EFCAB8: variants seen among roughly 807,000 people sequenced by gnomAD.
EFCAB8 encodes the protein EF-hand calcium-binding domain-containing protein 8.
A neutral mutation model predicts 116.3 loss-of-function variants in EFCAB8; 100 were observed. The observed-to-expected ratio is 0.86, with a 90% CI of 0.73 to 1.02. The LOEUF is 1.02. Ranked by LOEUF, EFCAB8 falls within the 50% of genes least tolerant of loss-of-function variation. The pLI is 0.00. For missense variants in EFCAB8, 1,320 were observed against 1,416.9 expected (o/e 0.93, Z 1.10); for synonymous variants, 558 against 567.9 (o/e 0.98, Z 0.25).
At chr20:32,866,204 AATG>A (rs1324900291) in intron 2 of EFCAB8, among the ~76,000 whole-genome samples, 1 of 152,094 alleles carries the variant, frequency 6.6e-6, no homozygotes. Context: ...TGGGCTAATG[AATG>A]AAAGGTCACA....
At chr20:32,926,634 A>G (rs1218908574) in intron 20 of EFCAB8, among the ~76,000 whole-genome samples, 2 of 146,582 alleles carry the variant, frequency 1.4e-5, no homozygotes, top group African/African-American at 2.5e-5. Flanking sequence ...AGCATTAGGT[A>G]TATCTCCCAA....
intron 1 of EFCAB8, among the ~76,000 whole-genome samples, chr20:32,860,432 C>T (rs1984045983): frequency 6.7e-6 from 1 of 149,588 alleles, no homozygotes; most frequent in Non-Finnish European, 1.5e-5. Flanking sequence ...TTGTGCCCTG[C>T]ATGTATCGGA....
Position 32,894,948 on chromosome 20 carries a change from T to TA in EFCAB8, c.884-1505dup, listed in dbSNP as rs112227952. Reference sequence around the variant, plus strand: ...CAACTTTCCACCCCTCCCTGGGACTTACTTTGCAAGCTTCCTCCTGCCCTT... The same window carrying TA: ...CAACTTTCCACCCCTCCCTGGGACTTAACTTTGCAAGCTTCCTCCTGCCCTT... On this transcript the variant is annotated intron_variant, in intron 9 of 26. Transcript: ENST00000400522. Among the ~76,000 whole-genome samples, 77 of 152,372 alleles carry TA rather than the reference T, an allele frequency of 5.1e-4. 1 individual carries two copies. Among genetic ancestry groups the TA allele is most frequent in the African/African-American group, 1.8e-3 (74 of 41,582 alleles).
At chr20:32,860,153 C>A (rs369915968) in intron 1 of EFCAB8, among the ~76,000 whole-genome samples, 7 of 152,114 alleles carry the variant, frequency 4.6e-5, no homozygotes, top group Non-Finnish European at 1.0e-4. Context: ...ACTAAAAATA[C>A]GAAAGTTAGC....
intron 22 of EFCAB8, 138 bp downstream of exon 22, chr20:32,931,474 C>T (rs899181033): frequency 1.1e-5 from 13 of 1,158,766 alleles, no homozygotes; most frequent in South Asian, 3.8e-5. Flanking sequence ...AATTAGTATT[C>T]GTGGCCAGTC....
chr20:32,906,829 C>T lies in EFCAB8; in HGVS notation c.1157-14C>T, dbSNP rs1174310728. On this transcript the variant is annotated splice_polypyrimidine_tract_variant and intron_variant, in intron 12 of 26. Coordinates refer to ENST00000400522, the MANE Select transcript of EFCAB8 (RefSeq NM_001143967.2). ...TGGAGGCCCCTGGGACTGACACCCA[C>T]GTCTTGACCACAGTGACTGGTGGCT... 5 of 1,319,396 alleles carry T rather than the reference C, an allele frequency of 3.8e-6. No homozygotes were observed. Among genetic ancestry groups the T allele is most frequent in the East Asian group, 2.5e-5 (1 of 39,808 alleles). The allele number at this position is 1,319,396 out of a possible 1,614,324, so 81.7% of individuals were successfully genotyped here.
chr20:32,951,670 A>G (rs1988804644), intron 23 of EFCAB8, among the ~76,000 whole-genome samples: 1 of 152,218 alleles, frequency 6.6e-6, no homozygotes, highest in Admixed American at 6.5e-5. Context: ...CTTCAATAAA[A>G]CTGTTAAAAA....
intron 22 of EFCAB8, among the ~76,000 whole-genome samples, chr20:32,942,117 G>A (rs1988427803): frequency 6.6e-6 from 1 of 152,054 alleles, no homozygotes; most frequent in Non-Finnish European, 1.5e-5. Context: ...GAATTTATTA[G>A]TGGTATTCAT....
intron 1 of EFCAB8, among the ~76,000 whole-genome samples, chr20:32,862,772 A>T (rs1984179561): frequency 6.6e-6 from 1 of 151,804 alleles, no homozygotes; most frequent in African/African-American, 2.4e-5. Flanking sequence ...GGATTACAGG[A>T]ACCTGCCACC....
intron 20 of EFCAB8, among the ~76,000 whole-genome samples, chr20:32,921,526 C>T (rs1987454325): frequency 6.6e-6 from 1 of 151,748 alleles, no homozygotes; most frequent in South Asian, 2.1e-4. Context: ...TCTTCCTTCT[C>T]TTTAAAAAAA....
intron 7 of EFCAB8, 143 bp from the exon 8 acceptor site, chr20:32,892,070 G>A (rs865880688): frequency 1.4e-6 from 1 of 708,852 alleles, no homozygotes; most frequent in Middle Eastern, 2.7e-4. Context: ...TTTACTCTGT[G>A]AACAGCTGTC....
chr20:32,945,793 C>T (rs1160908986), intron 23 of EFCAB8, among the ~76,000 whole-genome samples: 1 of 152,156 alleles, frequency 6.6e-6, no homozygotes, highest in Non-Finnish European at 1.5e-5. Flanking sequence ...CCTCCCCAAT[C>T]TTTTTTGTGG....
At position 32,911,641 on chromosome 20, in the gene EFCAB8, A is replaced by G; in HGVS notation, c.1719A>G (p.Thr573=). Residue 573 remains threonine, a synonymous_variant, in exon 16 of 27, where the codon ACA becomes ACG. Coordinates refer to ENST00000400522, the MANE Select transcript of EFCAB8 (RefSeq NM_001143967.2). ...TGCTCACAGGTTTGCGGGATGGCAC[A>G]ATGAAGATGTGGAACTACAACATTG... ...RCLLTGLRDG[T]MKMWNYNIGK... is the part of the protein sequence containing the mutation. The G allele has an allele frequency of 6.4e-7, 1 of 1,551,736 alleles. No individual in the cohort carries two copies. Among genetic ancestry groups the G allele is most frequent in the African/African-American group, 1.4e-5 (1 of 73,170 alleles).
chr20:32,867,811 G>A, intron 3 of EFCAB8, 64 bp downstream of exon 3: 2 of 1,501,378 alleles, frequency 1.3e-6, no homozygotes, highest in Non-Finnish European at 1.8e-6. Context: ...CCGAGTACCT[G>A]GGGTGTGTGG....
intron 23 of EFCAB8, among the ~76,000 whole-genome samples, chr20:32,951,531 A>C (rs1988800825): frequency 6.6e-6 from 1 of 152,178 alleles, no homozygotes; most frequent in African/African-American, 2.4e-5. Context: ...ACAGCAGATA[A>C]CTGGTTGTTT....
At chr20:32,932,755 T>A (rs181034600) in intron 22 of EFCAB8, among the ~76,000 whole-genome samples, 165 of 152,372 alleles carry the variant, frequency 1.1e-3, no homozygotes, top group Admixed American at 1.7e-3. Flanking sequence ...ATAGTGAATG[T>A]TATTTCACAT....
chr20:32,899,078 T>C lies in EFCAB8; in HGVS notation c.1088+455T>C, dbSNP rs193153944. On this transcript the variant is annotated intron_variant, in intron 11 of 26. Coordinates refer to ENST00000400522, the MANE Select transcript of EFCAB8 (RefSeq NM_001143967.2). ...TCCTCTACCCTAGAGTGAAGTTTTTTCTTTTCTTTTGAAAAACTAGTTAGT... is the reference window on the plus strand; with the variant it reads ...TCCTCTACCCTAGAGTGAAGTTTTTCCTTTTCTTTTGAAAAACTAGTTAGT... Among the ~76,000 whole-genome samples, 229 of 152,306 alleles carry C rather than the reference T, an allele frequency of 1.5e-3. 1 individual carries two copies. Among genetic ancestry groups the C allele is most frequent in the African/African-American group, 5.3e-3 (221 of 41,572 alleles).
chr20:32,950,332 G>A (rs1300520305), intron 23 of EFCAB8, among the ~76,000 whole-genome samples: 1 of 152,060 alleles, frequency 6.6e-6, no homozygotes, highest in East Asian at 1.9e-4. Context: ...ACTCAACAAG[G>A]AAACAAGTAA....
At chr20:32,927,992 C>T (rs1420237804) in intron 20 of EFCAB8, among the ~76,000 whole-genome samples, 2 of 152,122 alleles carry the variant, frequency 1.3e-5, no homozygotes, top group Admixed American at 6.6e-5. Flanking sequence ...TCCCACTCCC[C>T]TCTCCCTCCA....
Sources: allele counts gnomAD v4.1 joint callset (sites outside exome capture counted in the v4.1 genomes callset), GRCh38; gene constraint gnomAD v4.1.1; transcripts MANE v1.5; gene names NCBI Gene and HGNC (gene_info 2026-07-23, HGNC 2026-07-21).